Variants in EPB42 observed in about 807,000 individuals in gnomAD.
EPB42 encodes erythrocyte membrane protein band 4.2, also known as protein 4.2.
Under a neutral mutation model 76.9 loss-of-function variants are expected in EPB42, and 49 were observed. The ratio of observed to expected loss-of-function variants is 0.64; its 90% CI spans 0.51 to 0.81. EPB42 has a LOEUF of 0.81. Among genes scored for constraint, EPB42 ranks in the 30% least tolerant of loss-of-function variants. The pLI is 0.00. For synonymous variants in EPB42, 310 were observed against 338.4 expected (o/e 0.92, Z 0.92); for missense variants, 731 against 867.6 (o/e 0.84, Z 1.98).
At chr15:43,213,909 T>C (rs1283836116) in intron 3 of EPB42, among the ~76,000 whole-genome samples, 9 of 152,110 alleles carry the variant, frequency 5.9e-5, no homozygotes, top group East Asian at 1.9e-4. Flanking sequence ...CCCACTGGGA[T>C]TTAGGTACCA....
intron 1 of EPB42, among the ~76,000 whole-genome samples, chr15:43,217,970 GAA>G (rs1392748310): frequency 6.6e-6 from 1 of 152,194 alleles, no homozygotes; most frequent in Non-Finnish European, 1.5e-5. Context: ...GAAGAAATGT[GAA>G]AGTGTGCAGA....
intron 4 of EPB42, 29 bp downstream of exon 4, chr15:43,211,387 C>A: frequency 7.3e-7 from 1 of 1,378,644 alleles, no homozygotes. Flanking sequence ...AGTCACTCTA[C>A]ACACTCCTCC....
At chr15:43,210,245 G>T in intron 5 of EPB42, 90 bp downstream of exon 5, 1 of 1,138,206 alleles carries the variant, frequency 8.8e-7, no homozygotes, top group Non-Finnish European at 1.3e-6. Flanking sequence ...TGTGATTTGG[G>T]GGTTTCTGAG....
At chr15:43,223,500 A>G (rs1368069519), upstream of EPB42, among the ~76,000 whole-genome samples, 2 of 152,246 alleles carry the variant, frequency 1.3e-5, no homozygotes, top group African/African-American at 4.8e-5. Context: ...AAAAATGTCT[A>G]TCAATTCCAT....
At position 43,206,343 on chromosome 15, in the gene EPB42, G is replaced by A; in HGVS notation, c.1605C>T (p.Leu535=). The stretch of plus-strand genomic sequence containing the variant: ...ATAGAGCATTACCCAGGTTGGCACT[G>A]AGCGTGAGGTGCAGCTTCTTCCTCC... The part of the protein sequence containing the change: ...KLWRKKLHLT[L]SANLEKIITI... The change falls in exon 10 of 13, where the codon CTC becomes CTT. Residue 535 remains leucine (L), a synonymous_variant. Coordinates refer to ENST00000441366, the MANE Select transcript of EPB42 (RefSeq NM_001114134.2). The surrounding 1 kb of genome is among the most constrained non-coding windows in gnomAD (Gnocchi z 4.7). The A allele has an allele frequency of 8.1e-6, 13 of 1,611,722 alleles. No individual in the cohort carries two copies. The highest frequency in any genetic ancestry group is 1.1e-5 in the Non-Finnish European group (13 of 1,178,096).
At chr15:43,209,582 A>T in intron 5 of EPB42, 131 bp from the exon 6 acceptor site, 1 of 1,042,540 alleles carries the variant, frequency 9.6e-7, no homozygotes, top group Non-Finnish European at 1.4e-6. Flanking sequence ...GCCACCTGGT[A>T]CTGGTTAAAC....
At chr15:43,213,030 G>A (rs2042324159) in intron 3 of EPB42, among the ~76,000 whole-genome samples, 1 of 152,156 alleles carries the variant, frequency 6.6e-6, no homozygotes, top group South Asian at 2.1e-4. Context: ...TGAAAAATCT[G>A]GGGCCTAAAA....
intron 5 of EPB42, 66 bp downstream of exon 5, chr15:43,210,269 G>C: frequency 7.1e-7 from 1 of 1,408,598 alleles, no homozygotes; most frequent in East Asian, 2.3e-5. Flanking sequence ...ACGGTGGTGG[G>C]GCAGGTCTCT....
intron 12 of EPB42, among the ~76,000 whole-genome samples, chr15:43,199,083 G>A (rs1054767347): frequency 6.6e-6 from 1 of 152,230 alleles, no homozygotes; most frequent in Non-Finnish European, 1.5e-5. Flanking sequence ...CTAGGGCAGT[G>A]CAGAAGGCAA....
chr15:43,208,658 T>G lies in EPB42; in HGVS notation c.950A>C (p.Glu317Ala). ...YYNEEGLQNGEGQRGRIWIFQ... is the reference protein window; with the variant it reads ...YYNEEGLQNGAGQRGRIWIFQ... Reference sequence around the variant, plus strand: ...TCACCAGATTCTGCCTCTCTGGCCTTCTCCGTTCTGAAGTCCCTCCTCATT... The same window carrying G: ...TCACCAGATTCTGCCTCTCTGGCCTGCTCCGTTCTGAAGTCCCTCCTCATT... The change falls in exon 7 of 13, where the codon GAA becomes GCA. Residue 317 changes from glutamate to alanine, a missense_variant. Coordinates refer to ENST00000441366, the MANE Select transcript of EPB42 (RefSeq NM_001114134.2). 2 of 1,614,088 alleles carry G rather than the reference T, an allele frequency of 1.2e-6. No individual in the cohort carries two copies. Among genetic ancestry groups the G allele is most frequent in the Non-Finnish European group, 1.7e-6 (2 of 1,180,006 alleles).
chr15:43,207,133 C>A, intron 9 of EPB42, 66 bp downstream of exon 9: 1 of 1,608,040 alleles, frequency 6.2e-7, no homozygotes, highest in Non-Finnish European at 8.5e-7. Context: ...ATCTACCAGG[C>A]CCATCCCTTT....
rs577694827 is a variant in EPB42 at position 43,212,103 on chromosome 15, C to T, written c.431-569G>A. 7.9e-5 allele frequency among the ~76,000 whole-genome samples: 12 copies of T among 152,062 alleles called. No individual in the cohort carries two copies. The South Asian group carries it at 2.5e-3, about 32-fold the overall frequency. On this transcript the variant is annotated intron_variant, in intron 3 of 12. Transcript: ENST00000441366. ...TGAAAACCAGCCAGGCGTGGTGGCTCACGCCTGTAATCCCAGCACTTTGGG... is the reference window on the plus strand; with the variant it reads ...TGAAAACCAGCCAGGCGTGGTGGCTTACGCCTGTAATCCCAGCACTTTGGG...
At chr15:43,204,746 G>T (rs1389921885) in intron 10 of EPB42, among the ~76,000 whole-genome samples, 1 of 152,128 alleles carries the variant, frequency 6.6e-6, no homozygotes, top group Non-Finnish European at 1.5e-5. Flanking sequence ...TTGACTTGAT[G>T]ATTTACACAA....
intron 1 of EPB42, among the ~76,000 whole-genome samples, chr15:43,218,879 C>T (rs929206273): frequency 7.2e-5 from 11 of 152,316 alleles, no homozygotes; most frequent in Non-Finnish European, 1.2e-4. Context: ...ATGATACCTT[C>T]GTGTTTTCTC....
intron 4 of EPB42, 72 bp downstream of exon 4, chr15:43,211,342 GCT>G: frequency 1.0e-6 from 1 of 984,334 alleles, no homozygotes; most frequent in South Asian, 1.3e-5. Flanking sequence ...GGACCTACCA[GCT>G]CTGTCTAGCC....
At chr15:43,225,155 G>A (rs1040412880), upstream of EPB42, among the ~76,000 whole-genome samples, 5 of 152,202 alleles carry the variant, frequency 3.3e-5, no homozygotes, top group African/African-American at 9.7e-5. Context: ...GTATGTGTGC[G>A]TGGGGAGAAT....
intron 10 of EPB42, among the ~76,000 whole-genome samples, chr15:43,204,403 A>G (rs1475369395): frequency 6.6e-6 from 1 of 151,870 alleles, no homozygotes; most frequent in Non-Finnish European, 1.5e-5. Context: ...CCATGAGCTC[A>G]TCTATGCCCT....
intron 3 of EPB42, among the ~76,000 whole-genome samples, chr15:43,213,681 G>C (rs931491265): frequency 6.6e-6 from 1 of 152,200 alleles, no homozygotes; most frequent in African/African-American, 2.4e-5. Context: ...AGCTTGAAGG[G>C]CTTTCTGCCA....
chr15:43,215,039 C>CTGG, intron 3 of EPB42, 56 bp downstream of exon 3: 2 of 1,493,266 alleles, frequency 1.3e-6, no homozygotes, highest in Non-Finnish European at 1.8e-6. Flanking sequence ...AGCTGCACCC[C>CTGG]AGCTCCAGTG....
Sources: gnomAD v4.1 joint callset for allele counts (sites outside exome capture counted in the v4.1 genomes callset) on GRCh38, gnomAD v4.1.1 for gene constraint, Gnocchi (gnomAD v3.1) non-coding constraint, MANE v1.5 for transcripts, NCBI Gene and HGNC (gene_info 2026-07-23, HGNC 2026-07-21) for gene names.